Variants in DAB1 observed in about 807,000 individuals in gnomAD.
The protein encoded by DAB1 is disabled homolog 1.
DAB1 carries 15 observed loss-of-function variants against 64.6 expected under a neutral mutation model. That is an observed-to-expected ratio of 0.23 (90% CI 0.16 to 0.36). The LOEUF is 0.36. Among genes scored for constraint, DAB1 ranks in the 10% least tolerant of loss-of-function variants. DAB1 has a pLI of 1.00. For synonymous variants in DAB1, 235 were observed against 251.9 expected, an observed-to-expected ratio of 0.93 and a Z score of 0.64; for missense variants, 596 against 706.7, an observed-to-expected ratio of 0.84 and a Z score of 1.78.
At chr1:57,668,443 G>A (rs1646473664) in intron 6 of DAB1, among the ~76,000 whole-genome samples, 2 of 152,050 alleles carry the variant, frequency 1.3e-5, no homozygotes, top group South Asian at 4.1e-4. Flanking sequence ...GGACACTATA[G>A]GTACCTATAT....
chr1:57,014,872 G>A lies in DAB1; in HGVS notation c.1444+11C>T. The stretch of plus-strand genomic sequence containing the variant: ...TCATTGGGTTTTATGTCTTAAGTGA[G>A]GGGCACTCACGTGAGTTGGTCGATG... On this transcript the variant is annotated intron_variant, in intron 12 of 14. Coordinates refer to ENST00000371236, the MANE Select transcript of DAB1 (RefSeq NM_001365792.1). 1 of 1,537,132 alleles carries A rather than the reference G, an allele frequency of 6.5e-7. No individual in the cohort carries two copies. Among genetic ancestry groups the A allele is most frequent in the East Asian group, 2.3e-5 (1 of 44,066 alleles).
intron 7 of DAB1, among the ~76,000 whole-genome samples, chr1:57,445,809 T>C (rs1686116756): frequency 6.6e-6 from 1 of 152,206 alleles, no homozygotes; most frequent in South Asian, 2.1e-4. Context: ...ATTTCAGAAC[T>C]AACCTTTCCC....
At chr1:58,390,921 T>C (rs1644470222) in intron 3 of DAB1, among the ~76,000 whole-genome samples, 1 of 152,148 alleles carries the variant, frequency 6.6e-6, no homozygotes, top group Non-Finnish European at 1.5e-5. Flanking sequence ...CAGGGGAGTG[T>C]ACCTAAATTA....
At chr1:57,175,228 G>T (rs1306299314) in intron 2 of DAB1, among the ~76,000 whole-genome samples, 2 of 151,706 alleles carry the variant, frequency 1.3e-5, no homozygotes, top group Non-Finnish European at 2.9e-5. Context: ...GTGATAAAAA[G>T]ATCTATAACT....
chr1:58,513,324 G>A (rs558966097), intron 2 of DAB1, among the ~76,000 whole-genome samples: 1 of 152,188 alleles, frequency 6.6e-6, no homozygotes, highest in Non-Finnish European at 1.5e-5. Context: ...ATGGAGAACT[G>A]TGAGTCAATT....
intron 6 of DAB1, among the ~76,000 whole-genome samples, chr1:57,695,873 C>A (rs1432913558): frequency 6.6e-6 from 1 of 152,036 alleles, no homozygotes; most frequent in Non-Finnish European, 1.5e-5. Context: ...GCACTCCAGC[C>A]TGGGCAACAA....
chr1:58,036,485 G>A (rs948636037), intron 5 of DAB1, among the ~76,000 whole-genome samples: 6 of 152,118 alleles, frequency 3.9e-5, no homozygotes, highest in Admixed American at 1.3e-4. Context: ...TCTTATAGTC[G>A]CCACTAAATG....
At chr1:57,562,287 C>A (rs1422339147) in intron 7 of DAB1, among the ~76,000 whole-genome samples, 1 of 152,186 alleles carries the variant, frequency 6.6e-6, no homozygotes, top group East Asian at 1.9e-4. Context: ...GCAGGGGAAT[C>A]GCTTGGACCA....
At chr1:57,838,080 A>G (rs750080620) in intron 1 of DAB1, among the ~76,000 whole-genome samples, 6 of 152,064 alleles carry the variant, frequency 3.9e-5, no homozygotes, top group Non-Finnish European at 8.8e-5. Context: ...TCTGGGTTTG[A>G]ACTAAGGCAC....
intron 14 of DAB1, among the ~76,000 whole-genome samples, chr1:57,004,471 T>C (rs766621869): frequency 1.3e-5 from 2 of 152,184 alleles, no homozygotes; most frequent in Admixed American, 6.5e-5. Context: ...TGGTGCGCCA[T>C]GCAATCAGCT....
chr1:57,148,773 TC>T (rs1234807035), intron 2 of DAB1, among the ~76,000 whole-genome samples: 1 of 152,160 alleles, frequency 6.6e-6, no homozygotes, highest in East Asian at 1.9e-4. Context: ...CCATAATGAG[TC>T]CTCTTTTCAG....
chr1:57,007,983 T>C (rs1362847231), intron 14 of DAB1, among the ~76,000 whole-genome samples: 5 of 152,232 alleles, frequency 3.3e-5, no homozygotes, highest in Non-Finnish European at 5.9e-5. Context: ...CCCCCATGTG[T>C]GTCATAGTGG....
At chr1:58,529,745 A>G (rs1261312003) in intron 1 of DAB1, among the ~76,000 whole-genome samples, 1 of 152,234 alleles carries the variant, frequency 6.6e-6, no homozygotes, top group East Asian at 1.9e-4. Flanking sequence ...AACAATTTAA[A>G]AAACTACAAC....
chr1:57,557,024 T>C (rs567106107), intron 7 of DAB1, among the ~76,000 whole-genome samples: 191 of 152,250 alleles, frequency 1.3e-3, no homozygotes, highest in African/African-American at 4.4e-3. Flanking sequence ...CTTTCCCCAC[T>C]GTGATGGTTA....
chr1:57,416,139 C>T (rs1368912645), intron 1 of DAB1, among the ~76,000 whole-genome samples: 4 of 152,116 alleles, frequency 2.6e-5, no homozygotes, highest in Non-Finnish European at 5.9e-5. Flanking sequence ...CAATATTCTG[C>T]CATTCACTCT....
chr1:57,160,430 A>G (rs1029672212), intron 2 of DAB1, among the ~76,000 whole-genome samples: 3 of 152,222 alleles, frequency 2.0e-5, no homozygotes, highest in African/African-American at 4.8e-5. Flanking sequence ...AGGCATGTAA[A>G]GAAAAGAATG....
intron 1 of DAB1, among the ~76,000 whole-genome samples, chr1:57,391,281 T>C (rs750604050): frequency 6.6e-6 from 1 of 152,148 alleles, no homozygotes; most frequent in Non-Finnish European, 1.5e-5. Context: ...CAAAGATGTA[T>C]GAAAAAAGAA....
intron 6 of DAB1, among the ~76,000 whole-genome samples, chr1:57,754,691 A>G (rs1006175261): frequency 2.0e-5 from 3 of 152,136 alleles, no homozygotes; most frequent in Non-Finnish European, 4.4e-5. Flanking sequence ...TTCTGTCTAA[A>G]ATAAACAAAC....
intron 5 of DAB1, among the ~76,000 whole-genome samples, chr1:58,132,876 AGATATCAGTTCT>A (rs1201567295): frequency 6.6e-6 from 1 of 152,204 alleles, no homozygotes; most frequent in East Asian, 1.9e-4. Context: ...AACATAATCC[AGATATCAGTTCT>A]GATATCTGTG....
Sources: gnomAD v4.1 joint callset for allele counts (sites outside exome capture counted in the v4.1 genomes callset) on GRCh38, gnomAD v4.1.1 for gene constraint, MANE v1.5 for transcripts, NCBI Gene and HGNC (gene_info 2026-07-23, HGNC 2026-07-21) for gene names.